UBR1: variants seen among roughly 807,000 people sequenced by gnomAD.
UBR1 encodes the protein E3 ubiquitin-protein ligase UBR1.
A neutral mutation model predicts 242.1 loss-of-function variants in UBR1; 102 were observed. The observed-to-expected ratio is 0.42, with a 90% CI of 0.36 to 0.50. The LOEUF (loss-of-function observed/expected upper bound fraction) is 0.50. UBR1 is among the 20% of genes least tolerant of loss of function. The pLI, the probability that UBR1 is intolerant of heterozygous loss-of-function variation, is 0.01. For synonymous variants in UBR1, 675 were observed against 684.8 expected (o/e 0.99, Z 0.22); for missense variants, 1,772 against 2,101.8 (o/e 0.84, Z 3.07).
chr15:43,016,943 T>C (rs887327736), intron 28 of UBR1, 152 bp downstream of exon 28: 40 of 658,784 alleles, frequency 6.1e-5, no homozygotes, highest in Admixed American at 9.4e-5. Flanking sequence ...CTCCACAATA[T>C]AGAAGCATAA....
At chr15:43,005,329 G>T (rs1356724191) in intron 30 of UBR1, among the ~76,000 whole-genome samples, 1 of 151,128 alleles carries the variant, frequency 6.6e-6, no homozygotes, top group African/African-American at 2.4e-5. Flanking sequence ...CATCCGGGAG[G>T]TGGGGGGCAG....
intron 15 of UBR1, among the ~76,000 whole-genome samples, chr15:43,041,439 G>C (rs1006367469): frequency 6.6e-6 from 1 of 152,068 alleles, no homozygotes; most frequent in African/African-American, 2.4e-5. Context: ...ACCGGGGCCT[G>C]TCGTGGGGTT....
At position 43,029,987 on chromosome 15, in the gene UBR1, T is replaced by C; in HGVS notation, c.2336A>G (p.Glu779Gly). The C allele has an allele frequency of 6.2e-7, 1 of 1,614,144 alleles. No individual in the cohort carries two copies. The highest frequency in any genetic ancestry group is 8.5e-7 in the Non-Finnish European group (1 of 1,180,000). The change falls in exon 21 of 47, where the codon GAA becomes GGA. Residue 779 changes from glutamate to glycine, a missense_variant. By Grantham distance (98) the Glu-to-Gly change is moderately conservative (BLOSUM62 -2). Transcript: ENST00000290650. ...MREIIHLLCIEPMPHSAIAKN... is the reference protein window; with the variant it reads ...MREIIHLLCIGPMPHSAIAKN... ...GGCAATGGCACTGTGTGGCATGGGT[T>C]CAATGCAAAGCAAGTGAATGATTTC...
intron 26 of UBR1, among the ~76,000 whole-genome samples, 178 bp from the exon 27 acceptor site, chr15:43,021,553 A>G (rs781309330): frequency 2.6e-4 from 40 of 152,212 alleles, no homozygotes; most frequent in Non-Finnish European, 4.7e-4. Flanking sequence ...GCTTTAAATC[A>G]TCTCTAGATT....
chr15:43,037,926 T>C (rs2033358569), intron 16 of UBR1, 43 bp from the exon 17 acceptor site: 1 of 1,549,480 alleles, frequency 6.5e-7, no homozygotes. Flanking sequence ...TCACAGAGCT[T>C]AGATGTGTCT....
At chr15:43,057,544 AAG>A (rs1215536343) in intron 10 of UBR1, among the ~76,000 whole-genome samples, 1 of 152,230 alleles carries the variant, frequency 6.6e-6, no homozygotes, top group Non-Finnish European at 1.5e-5. Context: ...GATAGACAAA[AAG>A]ATACAGTAAG....
In UBR1 at chr15:42,945,285, T is replaced by A; in HGVS notation, c.*44A>T. 6.2e-7 allele frequency: 1 copy of A among 1,613,976 alleles called. No individual in the cohort carries two copies. Among genetic ancestry groups the A allele is most frequent in the Non-Finnish European group, 8.5e-7 (1 of 1,179,908 alleles). ...TTTTCCATAATTTTGAATCAGCCTTTACTACTGTCGTCATTTGTGATTGTC... is the reference window on the plus strand; with the variant it reads ...TTTTCCATAATTTTGAATCAGCCTTAACTACTGTCGTCATTTGTGATTGTC... On this transcript the variant is annotated 3_prime_UTR_variant, in exon 47 of 47. Transcript: ENST00000290650.
intron 27 of UBR1, 27 bp downstream of exon 27, chr15:43,021,248 T>C (rs773416983): frequency 1.3e-6 from 2 of 1,588,240 alleles, no homozygotes; most frequent in South Asian, 1.1e-5. Flanking sequence ...TAAACCAAGA[T>C]ATGATCACTT....
chr15:43,063,162 C>T (rs1241094734), intron 6 of UBR1, among the ~76,000 whole-genome samples: 2 of 152,120 alleles, frequency 1.3e-5, no homozygotes, highest in African/African-American at 4.8e-5. Context: ...AGCTTTGGGA[C>T]CCCAAAACAA....
At chr15:43,002,419 C>T (rs2032740154) in intron 32 of UBR1, 136 bp downstream of exon 32, 3 of 984,568 alleles carry the variant, frequency 3.0e-6, no homozygotes, top group Admixed American at 2.4e-5. Context: ...TGGGGTTTTA[C>T]CATGTTACCC....
intron 40 of UBR1, 121 bp from the exon 41 acceptor site, chr15:42,966,407 T>G (rs1233591965): frequency 5.0e-6 from 7 of 1,391,520 alleles, no homozygotes; most frequent in Non-Finnish European, 6.9e-6. Flanking sequence ...TCCATGCAAT[T>G]TTTAAACATT....
At chr15:43,067,611 ATAAT>A (rs1299155750) in intron 6 of UBR1, among the ~76,000 whole-genome samples, 1 of 152,214 alleles carries the variant, frequency 6.6e-6, no homozygotes, top group Non-Finnish European at 1.5e-5. Context: ...CATTCAATAA[ATAAT>A]TATAGGACCA....
At chr15:42,995,537 A>G (rs1364798539) in intron 33 of UBR1, among the ~76,000 whole-genome samples, 4 of 151,736 alleles carry the variant, frequency 2.6e-5, no homozygotes, top group South Asian at 2.1e-4. Flanking sequence ...GCGCGGTGGC[A>G]GGCGCCTGTA....
chr15:43,015,879 A>G lies in UBR1; in HGVS notation c.3028-10T>C. 1 of 1,613,116 alleles carries G rather than the reference A, an allele frequency of 6.2e-7. No individual in the cohort carries two copies. The highest frequency in any genetic ancestry group is 1.1e-5 in the South Asian group (1 of 91,026). ...CTTTATCATGAGTAATCTGGGTATT[A>G]AGAAATGACAAATTTAGGTAAGATC... On this transcript the variant is annotated splice_polypyrimidine_tract_variant and intron_variant, in intron 28 of 46. Transcript: ENST00000290650.
Position 43,059,122 on chromosome 15 carries a change from T to A in UBR1, c.1056A>T (p.Ile352=), listed in dbSNP as rs756200765. 3 of 1,614,182 alleles carry A rather than the reference T, an allele frequency of 1.9e-6. No homozygotes were observed. In the East Asian group the frequency reaches 6.7e-5, roughly 36 times the overall value. The change falls in exon 9 of 47, where the codon ATA becomes ATT. Residue 352 remains isoleucine (I), a synonymous_variant. Coordinates refer to ENST00000290650, the MANE Select transcript of UBR1 (RefSeq NM_174916.3). The part of the protein sequence containing the change: ...EEPDSENPCL[I]SRLMLWDAKL... ...TTGCATCCCAAAGCATTAACCTGCT[T>A]ATGAGACAGGGATTCTCCGAGTCAG...
chr15:42,950,289 T>C lies in UBR1; in HGVS notation c.5081A>G (p.Glu1694Gly), dbSNP rs1192508790. The C allele has an allele frequency of 6.2e-7, 1 of 1,614,086 alleles. No homozygotes were observed. The highest frequency in any genetic ancestry group is 8.5e-7 in the Non-Finnish European group (1 of 1,180,040). The change falls in exon 46 of 47, where the codon GAA (glutamate) becomes GGA (glycine). Residue 1694 changes from glutamate (E) to glycine (G), a missense_variant. Transcript: ENST00000290650. ...GCAYPAPYLD[E>G]YGETDPGLKR... The stretch of plus-strand genomic sequence containing the variant: ...CAGGCCAGGGTCTGTTTCTCCATAT[T>C]CATCCAAGTAAGGAGCTGGATAGGC...
chr15:43,067,778 TA>T, intron 6 of UBR1, 119 bp downstream of exon 6: 1 of 1,127,142 alleles, frequency 8.9e-7, no homozygotes, highest in Non-Finnish European at 1.3e-6. Flanking sequence ...ACCTAGGATG[TA>T]AGGAATAAAT....
At chr15:43,081,775 T>C (rs1354560649) in intron 3 of UBR1, among the ~76,000 whole-genome samples, 1 of 152,174 alleles carries the variant, frequency 6.6e-6, no homozygotes, top group Non-Finnish European at 1.5e-5. Context: ...TGCCATTTTA[T>C]TCTCTTAAAA....
chr15:42,966,635 G>T (rs1282690872), intron 40 of UBR1, among the ~76,000 whole-genome samples: 1 of 150,398 alleles, frequency 6.6e-6, no homozygotes, highest in African/African-American at 2.5e-5. Context: ...CTGAAACTGT[G>T]CCACTGTACT....
Sources: gnomAD v4.1 joint callset for allele counts (sites outside exome capture counted in the v4.1 genomes callset) on GRCh38, gnomAD v4.1.1 for gene constraint, MANE v1.5 for transcripts, NCBI Gene and HGNC (gene_info 2026-07-23, HGNC 2026-07-21) for gene names.